MYL11: variants seen among roughly 807,000 people sequenced by gnomAD.
The protein encoded by MYL11 is myosin regulatory light chain 11.
the MYL11 span, chr16:30,377,536 G>A: frequency 2.7e-6 from 3 of 1,095,984 alleles, no homozygotes; most frequent in Non-Finnish European, 3.7e-6. Flanking sequence ...GCCAATGAAG[G>A]AAGTAGAGTG....
chr16:30,376,724 C>G, the MYL11 span: 1 of 1,603,638 alleles, frequency 6.2e-7, no homozygotes, highest in Non-Finnish European at 8.5e-7. Flanking sequence ...CCCACCCTTC[C>G]GACCCTTCCC....
the MYL11 span, chr16:30,375,800 G>A: frequency 1.2e-6 from 2 of 1,610,168 alleles, no homozygotes; most frequent in Non-Finnish European, 1.7e-6. Context: ...GGGCCCCTTT[G>A]TTCAACCCTC....
At chr16:30,377,798 CA>C in the MYL11 span, 2 of 1,614,058 alleles carry the variant, frequency 1.2e-6, no homozygotes, top group Non-Finnish European at 1.7e-6. Flanking sequence ...TTCCCCAGAT[CA>C]AGAACATGTG....
At chr16:30,374,819 C>T in the MYL11 span, 9 of 1,612,220 alleles carry the variant, frequency 5.6e-6, no homozygotes, top group African/African-American at 1.3e-5. Flanking sequence ...TGCTTCTTTC[C>T]AGCCGGAGCC....
At chr16:30,377,486 G>C in the MYL11 span, 4 of 587,062 alleles carry the variant, frequency 6.8e-6, no homozygotes, top group Middle Eastern at 1.5e-3. Flanking sequence ...CATTTTCACA[G>C]CAAATGTGGG....
the MYL11 span, chr16:30,376,473 A>T: frequency 1.9e-6 from 3 of 1,614,008 alleles, no homozygotes; most frequent in Admixed American, 1.7e-5. Context: ...GAAGGAAGCC[A>T]GCGGTCCCAT....
the MYL11 span, chr16:30,375,743 C>G: frequency 8.0e-7 from 1 of 1,248,434 alleles, no homozygotes; most frequent in Non-Finnish European, 1.1e-6. Flanking sequence ...TCGAAGAATT[C>G]TGACTCTTAA....
the MYL11 span, chr16:30,375,808 C>A: frequency 3.7e-6 from 6 of 1,612,986 alleles, no homozygotes; most frequent in African/African-American, 8.0e-5. Context: ...TTGTTCAACC[C>A]TCACCCTCCA....
the MYL11 span, among the ~76,000 whole-genome samples, chr16:30,371,501 G>A: frequency 6.6e-6 from 1 of 152,072 alleles, no homozygotes; most frequent in Non-Finnish European, 1.5e-5. Context: ...GATCCTATAA[G>A]CAACCCATAT....
At chr16:30,372,648 G>T in the MYL11 span, among the ~76,000 whole-genome samples, 6 of 151,270 alleles carry the variant, frequency 4.0e-5, no homozygotes, top group African/African-American at 1.5e-4. Flanking sequence ...AAAGTGACCA[G>T]CTGGCTGTCC....
the MYL11 span, chr16:30,374,839 C>T: frequency 1.1e-5 from 18 of 1,612,910 alleles, no homozygotes; most frequent in African/African-American, 1.1e-4. Flanking sequence ...CGCTGCCTTG[C>T]CCCCCGGAGA....
chr16:30,376,578 T>A, the MYL11 span: 1 of 1,613,598 alleles, frequency 6.2e-7, no homozygotes, highest in Non-Finnish European at 8.5e-7. Flanking sequence ...TCCCAGACCC[T>A]TCAGGGACCC....
the MYL11 span, among the ~76,000 whole-genome samples, chr16:30,371,427 T>C: frequency 6.6e-6 from 1 of 152,086 alleles, no homozygotes; most frequent in Non-Finnish European, 1.5e-5. Flanking sequence ...TCTATAATTC[T>C]CCGATCTCGG....
At chr16:30,375,983 C>T in the MYL11 span, 3 of 1,541,948 alleles carry the variant, frequency 1.9e-6, no homozygotes, top group African/African-American at 1.4e-5. Flanking sequence ...CTGGAATGTG[C>T]ACCTGCTTGA....
the MYL11 span, chr16:30,377,964 A>G: frequency 8.7e-5 from 129 of 1,484,824 alleles, 2 homozygotes; most frequent in Admixed American, 2.0e-4. Flanking sequence ...CCGGCTCCCA[A>G]TAAAATTTAA....
At chr16:30,377,170 G>A in the MYL11 span, among the ~76,000 whole-genome samples, 2 of 151,714 alleles carry the variant, frequency 1.3e-5, no homozygotes, top group East Asian at 1.9e-4. Context: ...CCAAGATCAC[G>A]CCACTGCCCT....
the MYL11 span, chr16:30,376,757 ACT>A: frequency 6.6e-7 from 1 of 1,507,456 alleles, no homozygotes; most frequent in Non-Finnish European, 9.1e-7. Flanking sequence ...CTGCTCCCAC[ACT>A]GACAGCCTCC....
chr16:30,374,351 T>C, the MYL11 span, among the ~76,000 whole-genome samples: 2 of 151,130 alleles, frequency 1.3e-5, no homozygotes, highest in African/African-American at 4.9e-5. Context: ...CTCACTATGT[T>C]GCCCAGGCTG....
At chr16:30,375,946 C>A in the MYL11 span, 7 of 1,603,796 alleles carry the variant, frequency 4.4e-6, no homozygotes, top group South Asian at 1.1e-5. Context: ...GGAAGGCTGA[C>A]CAAAAGCAGC....
Sources: allele counts gnomAD v4.1 joint callset (sites outside exome capture counted in the v4.1 genomes callset), GRCh38; gene constraint gnomAD v4.1.1; transcripts MANE v1.5; gene names NCBI Gene and HGNC (gene_info 2026-07-23, HGNC 2026-07-21).